Variants in SOX5 observed in about 807,000 individuals in gnomAD.
SOX5 encodes transcription factor SOX-5.
SOX5 carries 9 observed loss-of-function variants against 92.0 expected under a neutral mutation model. The ratio of observed to expected loss-of-function variants is 0.10; its 90% CI spans 0.06 to 0.17. The LOEUF (loss-of-function observed/expected upper bound fraction) is 0.17. SOX5 is among the 10% of genes least tolerant of loss of function. SOX5 has a pLI of 1.00. For synonymous variants in SOX5, 344 were observed against 336.3 expected (o/e 1.02, Z -0.25); for missense variants, 642 against 944.5 (o/e 0.68, Z 4.20).
chr12:23,529,953 T>A lies in SOX5; in HGVS notation c.*4266A>T, dbSNP rs1011029971. ...CCAGTGGAGCTATATAAATACTGTTTTAGTGAACCAGTGACGGAAACACTG... is the reference window on the plus strand; with the variant it reads ...CCAGTGGAGCTATATAAATACTGTTATAGTGAACCAGTGACGGAAACACTG... On this transcript the variant is annotated 3_prime_UTR_variant, in exon 15 of 15. Transcript: ENST00000451604. 6.6e-6 allele frequency: 1 copy of A among 152,140 alleles called. No individual in the cohort carries two copies. Among genetic ancestry groups the A allele is most frequent in the Non-Finnish European group, 1.5e-5 (1 of 68,026 alleles). 9.4% of individuals were successfully genotyped at this position (152,140 alleles called of 1,614,324 possible). A position where few individuals can be genotyped will look rare whatever the true frequency, so the allele number is the denominator to read the frequency against.
At chr12:23,538,799 C>CTT (rs67268404) in intron 13 of SOX5, among the ~76,000 whole-genome samples, 20 of 108,124 alleles carry the variant, frequency 1.8e-4, no homozygotes, top group East Asian at 8.5e-4. Flanking sequence ...CCAGCATTTT[C>CTT]TTTTTTTTTT....
At chr12:23,859,157 G>A (rs529380430) in intron 2 of SOX5, among the ~76,000 whole-genome samples, 17 of 152,168 alleles carry the variant, frequency 1.1e-4, no homozygotes, top group South Asian at 8.3e-4. Context: ...AACAAGGAAA[G>A]ATAACCATAA....
At chr12:24,093,545 A>G (rs1276413997) in intron 4 of SOX5, among the ~76,000 whole-genome samples, 1 of 151,778 alleles carries the variant, frequency 6.6e-6, no homozygotes, top group Non-Finnish European at 1.5e-5. Context: ...ACAAAAACAA[A>G]AACAAAAATA....
At chr12:24,457,352 C>T (rs1170205921) in intron 1 of SOX5, among the ~76,000 whole-genome samples, 3 of 152,124 alleles carry the variant, frequency 2.0e-5, no homozygotes, top group Non-Finnish European at 4.4e-5. Context: ...ATATATACGT[C>T]TGTGAATCAC....
intron 3 of SOX5, among the ~76,000 whole-genome samples, chr12:23,816,985 T>A (rs2096008434): frequency 6.6e-6 from 1 of 152,202 alleles, no homozygotes. Context: ...AAAATATAGA[T>A]TACATTTTAA....
intron 2 of SOX5, among the ~76,000 whole-genome samples, chr12:23,882,597 T>A (rs2097007803): frequency 6.6e-6 from 1 of 152,262 alleles, no homozygotes; most frequent in East Asian, 1.9e-4. Flanking sequence ...AATGATTCGA[T>A]TTATTGGAGT....
At chr12:23,614,299 C>T (rs532146747) in intron 8 of SOX5, among the ~76,000 whole-genome samples, 1 of 152,328 alleles carries the variant, frequency 6.6e-6, no homozygotes, top group Admixed American at 6.5e-5. Context: ...CTTTTCTGTA[C>T]ACAGCAGAAG....
chr12:23,741,170 T>C, intron 4 of SOX5, 131 bp from the exon 5 acceptor site: 1 of 559,834 alleles, frequency 1.8e-6, no homozygotes, highest in Non-Finnish European at 2.8e-6. Context: ...TTACCTACCT[T>C]CTTTTACATT....
chr12:23,862,021 T>C (rs1039530004), intron 2 of SOX5, among the ~76,000 whole-genome samples: 5 of 152,196 alleles, frequency 3.3e-5, no homozygotes, highest in African/African-American at 7.2e-5. Flanking sequence ...TTCTATTCCC[T>C]TGGTTCTAAC....
intron 6 of SOX5, among the ~76,000 whole-genome samples, chr12:23,706,607 T>C (rs1354878196): frequency 6.6e-6 from 1 of 152,060 alleles, no homozygotes; most frequent in Non-Finnish European, 1.5e-5. Context: ...TCATGGTGAA[T>C]ATTTTTAGTA....
chr12:24,277,284 C>G (rs1359159617), exon 3 of SOX5: 1 of 151,466 alleles, frequency 6.6e-6, no homozygotes, highest in African/African-American at 2.4e-5. Context: ...CAGATTCAAA[C>G]AGGAATCATG....
rs542856969 is a variant in SOX5 at position 24,341,072 on chromosome 12, G to A, written c.-174+27491C>T. On this transcript the variant is annotated intron_variant, in intron 2 of 4. Coordinates refer to the SOX5 transcript ENST00000446891. Reference sequence around the variant, plus strand: ...AAAAAAGCCACAGTCTTATAAAAATGTCATAGTACAAAAGTCCTTGGGTTG... The same window carrying A: ...AAAAAAGCCACAGTCTTATAAAAATATCATAGTACAAAAGTCCTTGGGTTG... Among the ~76,000 whole-genome samples the A allele has an allele frequency of 1.2e-3, 179 of 152,328 alleles. 1 individual carries two copies. Among genetic ancestry groups the A allele is most frequent in the African/African-American group, 4.2e-3 (173 of 41,582 alleles).
chr12:24,041,468 T>G (rs1956514970), intron 4 of SOX5, among the ~76,000 whole-genome samples: 1 of 152,106 alleles, frequency 6.6e-6, no homozygotes, highest in Admixed American at 6.5e-5. Context: ...AAGAATTTCA[T>G]GAAGAAAAAA....
chr12:23,771,619 T>C (rs918699338), intron 3 of SOX5, among the ~76,000 whole-genome samples: 2 of 152,172 alleles, frequency 1.3e-5, no homozygotes, highest in African/African-American at 2.4e-5. Flanking sequence ...TAGTGTCATA[T>C]CTCCCCTTGT....
At chr12:24,389,037 T>G (rs1958705307) in intron 1 of SOX5, among the ~76,000 whole-genome samples, 1 of 152,080 alleles carries the variant, frequency 6.6e-6, no homozygotes, top group African/African-American at 2.4e-5. Context: ...ACATGTGCCA[T>G]GCTGGTGTGC....
At chr12:24,203,729 T>C (rs1042737350) in intron 4 of SOX5, among the ~76,000 whole-genome samples, 1 of 152,210 alleles carries the variant, frequency 6.6e-6, no homozygotes, top group Non-Finnish European at 1.5e-5. Flanking sequence ...AATACAAATA[T>C]TCTGATAAGA....
chr12:23,932,193 T>A (rs1941592318), intron 1 of SOX5, among the ~76,000 whole-genome samples: 1 of 151,614 alleles, frequency 6.6e-6, no homozygotes, highest in African/African-American at 2.4e-5. Flanking sequence ...GAGCCCTGTA[T>A]CTAACCTGAA....
intron 8 of SOX5, among the ~76,000 whole-genome samples, chr12:23,617,266 G>T (rs1054317552): frequency 7.2e-5 from 11 of 152,032 alleles, no homozygotes; most frequent in Admixed American, 3.3e-4. Context: ...TGAAATAGGG[G>T]GCTTGGAGGT....
chr12:24,015,506 T>G (rs1206635210), intron 4 of SOX5, among the ~76,000 whole-genome samples: 1 of 152,188 alleles, frequency 6.6e-6, no homozygotes, highest in East Asian at 1.9e-4. Context: ...ACATTATTGT[T>G]CGCCTCTTGT....
Sources: allele counts gnomAD v4.1 joint callset (sites outside exome capture counted in the v4.1 genomes callset), GRCh38; gene constraint gnomAD v4.1.1; transcripts MANE v1.5; gene names NCBI Gene and HGNC (gene_info 2026-07-23, HGNC 2026-07-21).